The following CNTNAP2 variants were observed in gnomAD, a reference collection of about 807,000 sequenced individuals.
CNTNAP2 encodes the protein contactin associated protein 2.
Under a neutral mutation model 155.2 loss-of-function variants are expected in CNTNAP2, and 98 were observed. The ratio of observed to expected loss-of-function variants is 0.63; its 90% CI spans 0.54 to 0.75. CNTNAP2 has a LOEUF of 0.75. CNTNAP2 is among the 30% of genes least tolerant of loss of function. The pLI, the probability that CNTNAP2 is intolerant of heterozygous loss-of-function variation, is 0.00. For synonymous variants in CNTNAP2, 651 were observed against 631.2 expected (o/e 1.03, Z -0.47); for missense variants, 1,727 against 1,688.1 (o/e 1.02, Z -0.40).
At chr7:147,262,678 C>G (rs557136950) in intron 8 of CNTNAP2, among the ~76,000 whole-genome samples, 1 of 152,106 alleles carries the variant, frequency 6.6e-6, no homozygotes, top group Admixed American at 6.5e-5. Context: ...TGGTGGCGAG[C>G]GCCTGTAGTC....
intron 8 of CNTNAP2, among the ~76,000 whole-genome samples, chr7:147,160,242 G>C (rs775449851): frequency 6.6e-6 from 1 of 151,944 alleles, no homozygotes; most frequent in Non-Finnish European, 1.5e-5. Flanking sequence ...AGAACCATAC[G>C]TGATGTTAGT....
At chr7:147,385,360 CA>C (rs879313512) in intron 9 of CNTNAP2, among the ~76,000 whole-genome samples, 5 of 152,162 alleles carry the variant, frequency 3.3e-5, no homozygotes, top group Admixed American at 6.5e-5. Flanking sequence ...AGCATTAACT[CA>C]AAAGTCCATA....
intron 9 of CNTNAP2, among the ~76,000 whole-genome samples, chr7:147,375,343 G>A (rs953220986): frequency 2.0e-5 from 3 of 151,902 alleles, no homozygotes; most frequent in Admixed American, 2.0e-4. Context: ...TAACACAACT[G>A]GTGTGATTTG....
intron 1 of CNTNAP2, among the ~76,000 whole-genome samples, chr7:146,243,013 A>G (rs1799588346): frequency 1.3e-5 from 2 of 152,136 alleles, no homozygotes; most frequent in South Asian, 4.1e-4. Flanking sequence ...GTTTTTAGAC[A>G]TATGGATGTT....
chr7:146,868,792 G>A (rs965506505), intron 3 of CNTNAP2, among the ~76,000 whole-genome samples: 1 of 152,016 alleles, frequency 6.6e-6, no homozygotes, highest in Non-Finnish European at 1.5e-5. Context: ...GAGTGGGATT[G>A]CCCTTCTGAT....
intron 14 of CNTNAP2, among the ~76,000 whole-genome samples, chr7:147,962,307 T>G (rs745335173): frequency 2.6e-5 from 4 of 152,240 alleles, no homozygotes; most frequent in Non-Finnish European, 5.9e-5. Context: ...ATGTGTATAC[T>G]GAATTAGAAT....
chr7:147,993,712 T>G (rs1469272083), intron 15 of CNTNAP2, among the ~76,000 whole-genome samples: 2 of 152,224 alleles, frequency 1.3e-5, no homozygotes, highest in Non-Finnish European at 2.9e-5. Context: ...GTCTTATGAC[T>G]TTACAAATTA....
In CNTNAP2 at chr7:148,372,389, C is replaced by A. The variant is rs552353036; in HGVS notation, c.3476-11260C>A. On this transcript the variant is annotated intron_variant, in intron 21 of 23. Transcript: ENST00000361727. ...GGACACTTTGGCCACATTAAATTTA[C>A]CTTTTACAATTTTCTTTCTTTAATA... Among the ~76,000 whole-genome samples, 1,256 of 152,048 alleles carry A rather than the reference C, an allele frequency of 8.3e-3. 7 individuals are homozygous for A. The highest frequency in any genetic ancestry group is 0.013 in the Non-Finnish European group (916 of 67,984).
chr7:147,739,687 G>C (rs1459535485), intron 13 of CNTNAP2, among the ~76,000 whole-genome samples: 2 of 151,948 alleles, frequency 1.3e-5, no homozygotes, highest in East Asian at 1.9e-4. Context: ...AATGTGGATA[G>C]TGTGTGTTCC....
At chr7:147,681,780 A>G (rs184452256) in intron 13 of CNTNAP2, among the ~76,000 whole-genome samples, 108 of 151,810 alleles carry the variant, frequency 7.1e-4, no homozygotes, top group African/African-American at 2.5e-3. Flanking sequence ...GTCTGAAACT[A>G]TCACAGTATT....
Position 146,548,697 on chromosome 7 carries a change from T to C in CNTNAP2, c.98-225574T>C, listed in dbSNP as rs541572434. Among the ~76,000 whole-genome samples the C allele has an allele frequency of 3.9e-5, 6 of 152,038 alleles. No individual in the cohort carries two copies. In the East Asian group the frequency reaches 1.2e-3, roughly 29 times the overall value. On this transcript the variant is annotated intron_variant, in intron 1 of 23. Transcript: ENST00000361727. ...TTGTTGATGTTATTATAAAGTTCTG[T>C]TATCATTGTTGTTTTTGTTAGTGAG...
Position 148,189,117 on chromosome 7 carries a change from A to T in CNTNAP2, c.3010+16639A>T, listed in dbSNP as rs533942900. Among the ~76,000 whole-genome samples, 63 of 152,236 alleles carry T rather than the reference A, an allele frequency of 4.1e-4. 1 individual carries two copies. Among genetic ancestry groups the T allele is most frequent in the Admixed American group, 2.6e-4 (4 of 15,288 alleles). Reference sequence around the variant, plus strand: ...AAAGCTAGTAAGATTTTCTAAACACAGTGCCAAAGTACATGCAGTATACAC... The same window carrying T: ...AAAGCTAGTAAGATTTTCTAAACACTGTGCCAAAGTACATGCAGTATACAC... On this transcript the variant is annotated intron_variant, in intron 18 of 23. Coordinates refer to ENST00000361727, the MANE Select transcript of CNTNAP2 (RefSeq NM_014141.6).
intron 13 of CNTNAP2, among the ~76,000 whole-genome samples, chr7:147,891,116 C>G (rs747380020): frequency 1.3e-5 from 2 of 151,550 alleles, no homozygotes; most frequent in African/African-American, 2.4e-5. Context: ...TAGGATATAT[C>G]CAAAGGAAGT....
chr7:146,815,509 T>C (rs1042652259), intron 2 of CNTNAP2, among the ~76,000 whole-genome samples: 1 of 152,124 alleles, frequency 6.6e-6, no homozygotes, highest in Admixed American at 6.5e-5. Flanking sequence ...TCTATATATA[T>C]ACATGAATAC....
intron 13 of CNTNAP2, chr7:147,643,445 C>T (rs1219508410): frequency 2.0e-5 from 3 of 152,110 alleles, no homozygotes; most frequent in Non-Finnish European, 4.4e-5. Context: ...ACAGCAAGTT[C>T]CTTGTATTGT....
At chr7:148,023,858 G>T (rs1159894927) in intron 15 of CNTNAP2, among the ~76,000 whole-genome samples, 1 of 151,998 alleles carries the variant, frequency 6.6e-6, no homozygotes, top group Non-Finnish European at 1.5e-5. Context: ...TCTACCTTCT[G>T]GGATTTTATG....
At chr7:147,673,718 G>A (rs1260586156) in intron 13 of CNTNAP2, among the ~76,000 whole-genome samples, 1 of 152,116 alleles carries the variant, frequency 6.6e-6, no homozygotes, top group African/African-American at 2.4e-5. Context: ...GCCAAGACTG[G>A]AGATGGGGAC....
At position 147,562,544 on chromosome 7, in the gene CNTNAP2, G is replaced by A. The variant is rs1157641764; in HGVS notation, c.1897+287G>A. 2.0e-5 allele frequency among the ~76,000 whole-genome samples: 3 copies of A among 152,152 alleles called. No homozygotes were observed. In the East Asian group the frequency reaches 5.8e-4, roughly 29 times the overall value. On this transcript the variant is annotated intron_variant, in intron 12 of 23. Transcript: ENST00000361727. Reference sequence around the variant, plus strand: ...ACAGAAAGTAAAGTTGCAAAGTTCAGCCCAAAGAAAGAACTAGTAACCTAG... The same window carrying A: ...ACAGAAAGTAAAGTTGCAAAGTTCAACCCAAAGAAAGAACTAGTAACCTAG...
chr7:147,345,256 A>G (rs1795834517), intron 9 of CNTNAP2, among the ~76,000 whole-genome samples: 1 of 152,176 alleles, frequency 6.6e-6, no homozygotes, highest in Non-Finnish European at 1.5e-5. Context: ...GTTTACTTTT[A>G]TTTGTACTCG....
Sources: allele counts gnomAD v4.1 joint callset (sites outside exome capture counted in the v4.1 genomes callset), GRCh38; gene constraint gnomAD v4.1.1; transcripts MANE v1.5; gene names NCBI Gene and HGNC (gene_info 2026-07-23, HGNC 2026-07-21).